DCLK2: variants seen among roughly 807,000 people sequenced by gnomAD.
DCLK2 encodes the protein doublecortin like kinase 2.
A neutral mutation model predicts 78.4 loss-of-function variants in DCLK2; 31 were observed. That is an observed-to-expected ratio of 0.40 (90% CI 0.30 to 0.53). The LOEUF is 0.53. Among genes scored for constraint, DCLK2 ranks in the 20% least tolerant of loss-of-function variants. The pLI is 0.61. For synonymous variants in DCLK2, 407 were observed against 374.9 expected, an observed-to-expected ratio of 1.09 and a Z score of -0.99; for missense variants, 872 against 973.7, an observed-to-expected ratio of 0.90 and a Z score of 1.39.
intron 4 of DCLK2, among the ~76,000 whole-genome samples, chr4:150,198,748 TATC>T (rs756960824): frequency 1.3e-5 from 2 of 152,206 alleles, no homozygotes; most frequent in Non-Finnish European, 2.9e-5. Context: ...AGCCTGTTAA[TATC>T]ATTTCCTCTG....
rs866084496 is a variant in DCLK2 at position 150,105,364 on chromosome 4, C to T, written c.756+2552C>T. Among the ~76,000 whole-genome samples the T allele has an allele frequency of 3.6e-4, 55 of 151,148 alleles. 1 individual carries two copies. Among genetic ancestry groups the T allele is most frequent in the African/African-American group, 1.2e-3 (50 of 40,670 alleles). On this transcript the variant is annotated intron_variant, in intron 2 of 15. Coordinates refer to ENST00000296550, the MANE Select transcript of DCLK2 (RefSeq NM_001040260.4). ...TGAAAAAGATGAATAAAAGTCTAAA[C>T]AATTTGAAAAGACAGAATTAGTGAA...
intron 2 of DCLK2, among the ~76,000 whole-genome samples, chr4:150,186,015 G>A (rs1737904719): frequency 6.6e-6 from 1 of 152,090 alleles, no homozygotes; most frequent in African/African-American, 2.4e-5. Flanking sequence ...TGCTTTAATT[G>A]TGCACCTTAG....
In DCLK2 at chr4:150,129,386, CAT is replaced by C. The variant is rs1214041148; in HGVS notation, c.756+26577_756+26578del. Among the ~76,000 whole-genome samples the C allele has an allele frequency of 7.9e-5, 12 of 152,134 alleles. 1 individual carries two copies. The highest frequency in any genetic ancestry group is 2.2e-4 in the African/African-American group (9 of 41,466). ...AAAATGCTTCTACGCTTTGGCTAAT[CAT>C]ATGTGTTATCAAAATGATTATTTAA... On this transcript the variant is annotated intron_variant, in intron 2 of 15. Transcript: ENST00000296550.
intron 2 of DCLK2, among the ~76,000 whole-genome samples, chr4:150,144,725 T>C (rs1042703104): frequency 6.6e-6 from 1 of 152,178 alleles, no homozygotes; most frequent in Non-Finnish European, 1.5e-5. Flanking sequence ...TACCTGGGAC[T>C]GCAGGCATGT....
chr4:150,182,889 T>C (rs1379449627), intron 2 of DCLK2, among the ~76,000 whole-genome samples: 1 of 152,228 alleles, frequency 6.6e-6, no homozygotes, highest in Admixed American at 6.5e-5. Flanking sequence ...TACTCTTAGA[T>C]AGAGACAGCC....
intron 5 of DCLK2, among the ~76,000 whole-genome samples, chr4:150,215,117 A>G (rs1580731251): frequency 1.3e-5 from 2 of 152,370 alleles, no homozygotes; most frequent in East Asian, 3.9e-4. Context: ...TTATTAAAAA[A>G]AATGAAATAT....
At chr4:150,158,926 A>G (rs1489088920) in intron 2 of DCLK2, among the ~76,000 whole-genome samples, 2 of 152,148 alleles carry the variant, frequency 1.3e-5, no homozygotes, top group Non-Finnish European at 2.9e-5. Context: ...GCATGGAGGA[A>G]TGAAAATGCA....
chr4:150,228,050 A>T (rs1741747039), intron 8 of DCLK2, among the ~76,000 whole-genome samples: 1 of 151,972 alleles, frequency 6.6e-6, no homozygotes, highest in East Asian at 1.9e-4. Context: ...TTGGGTTGTG[A>T]TCATATCCCA....
At chr4:150,197,695 C>T (rs1195179511) in intron 3 of DCLK2, among the ~76,000 whole-genome samples, 1 of 151,402 alleles carries the variant, frequency 6.6e-6, no homozygotes, top group Non-Finnish European at 1.5e-5. Flanking sequence ...GCGGAGGTTG[C>T]AGTGAGCAGA....
At chr4:150,103,686 A>C (rs992005447) in intron 2 of DCLK2, among the ~76,000 whole-genome samples, 5 of 152,200 alleles carry the variant, frequency 3.3e-5, no homozygotes, top group African/African-American at 1.2e-4. Context: ...AGAATGAATA[A>C]TATAAAACAT....
intron 5 of DCLK2, among the ~76,000 whole-genome samples, chr4:150,211,494 G>C (rs1327419901): frequency 6.6e-6 from 1 of 152,116 alleles, no homozygotes; most frequent in Non-Finnish European, 1.5e-5. Context: ...GGCTATTGTG[G>C]AGTCTGGCAG....
In DCLK2 at chr4:150,148,643, C is replaced by T. The variant is rs761097034; in HGVS notation, c.757-44495C>T. On this transcript the variant is annotated intron_variant, in intron 2 of 15. Transcript: ENST00000296550. ...CCACAAATTTGATGTATATCTAAAGCTTTTTCAGTGTGATCAGTGAAGAAG... is the reference window on the plus strand; with the variant it reads ...CCACAAATTTGATGTATATCTAAAGTTTTTTCAGTGTGATCAGTGAAGAAG... Among the ~76,000 whole-genome samples the T allele has an allele frequency of 1.3e-5, 2 of 151,704 alleles. 1 individual carries two copies. Among genetic ancestry groups the T allele is most frequent in the Non-Finnish European group, 2.9e-5 (2 of 67,984 alleles).
chr4:150,152,609 G>C (rs1734980731), intron 2 of DCLK2, among the ~76,000 whole-genome samples: 1 of 152,116 alleles, frequency 6.6e-6, no homozygotes, highest in African/African-American at 2.4e-5. Flanking sequence ...ATTCAGAATA[G>C]AGAAGTGAAA....
At chr4:150,133,505 C>CTGTTTGGTTTTAAAGGG (rs1733475905) in intron 2 of DCLK2, among the ~76,000 whole-genome samples, 1 of 152,156 alleles carries the variant, frequency 6.6e-6, no homozygotes, top group Non-Finnish European at 1.5e-5. Context: ...CACCTATCAA[C>CTGTTTGGTTTTAAAGGG]ATGGCAAAGT....
chr4:150,226,225 C>T (rs1455417520), intron 8 of DCLK2, among the ~76,000 whole-genome samples: 1 of 142,730 alleles, frequency 7.0e-6, no homozygotes, highest in African/African-American at 2.5e-5. Flanking sequence ...TTGTCATTTA[C>T]TTTTTTTTTT....
intron 5 of DCLK2, among the ~76,000 whole-genome samples, chr4:150,211,463 A>G (rs1385144999): frequency 6.6e-6 from 1 of 152,066 alleles, no homozygotes; most frequent in Non-Finnish European, 1.5e-5. Context: ...GGCATGAGAA[A>G]CGGGAGCTGG....
rs547124812 is a variant in DCLK2 at position 150,104,000 on chromosome 4, G to T, written c.756+1188G>T. On this transcript the variant is annotated intron_variant, in intron 2 of 15. Coordinates refer to ENST00000296550, the MANE Select transcript of DCLK2 (RefSeq NM_001040260.4). ...CTGCAAGTAAGGAAAAATAAATTAG[G>T]CTACAGGAAAAAGGTATTTGACAAA... is the stretch of plus-strand genomic sequence containing the variant. Among the ~76,000 whole-genome samples, 107 of 152,000 alleles carry T rather than the reference G, an allele frequency of 7.0e-4. 1 individual carries two copies. The highest frequency in any genetic ancestry group is 1.1e-3 in the Non-Finnish European group (77 of 67,964).
intron 2 of DCLK2, among the ~76,000 whole-genome samples, chr4:150,171,434 T>C (rs1245319771): frequency 1.3e-5 from 2 of 152,162 alleles, no homozygotes; most frequent in Admixed American, 6.5e-5. Context: ...TGAGCAGATA[T>C]CGCGCCACTG....
intron 2 of DCLK2, among the ~76,000 whole-genome samples, chr4:150,114,272 G>T (rs1043080233): frequency 1.3e-5 from 2 of 152,138 alleles, no homozygotes; most frequent in African/African-American, 2.4e-5. Flanking sequence ...ATGTTCTAGA[G>T]TGTAGCTTAA....
Sources: allele counts gnomAD v4.1 joint callset (sites outside exome capture counted in the v4.1 genomes callset), GRCh38; gene constraint gnomAD v4.1.1; transcripts MANE v1.5; gene names NCBI Gene and HGNC (gene_info 2026-07-23, HGNC 2026-07-21).